AFDN: variants seen among roughly 807,000 people sequenced by gnomAD.
AFDN encodes the protein afadin.
Under a neutral mutation model 216.6 loss-of-function variants are expected in AFDN, and 68 were observed. The observed-to-expected ratio is 0.31, with a 90% CI of 0.26 to 0.38. The LOEUF is 0.38. Ranked by LOEUF, AFDN falls within the 10% of genes least tolerant of loss-of-function variation. AFDN has a pLI of 1.00. For synonymous variants in AFDN, 868 were observed against 853.7 expected, an observed-to-expected ratio of 1.02 and a Z score of -0.29; for missense variants, 2,136 against 2,342.0, an observed-to-expected ratio of 0.91 and a Z score of 1.82.
intron 2 of AFDN, among the ~76,000 whole-genome samples, chr6:167,867,911 T>C (rs2128238648): frequency 6.6e-6 from 1 of 152,350 alleles, no homozygotes; most frequent in African/African-American, 2.4e-5. Context: ...AAACTATTGC[T>C]CATTTAAAAT....
At chr6:167,827,410 C>T (rs1330202362) in intron 1 of AFDN, among the ~76,000 whole-genome samples, 173 bp downstream of exon 1, 1 of 144,880 alleles carries the variant, frequency 6.9e-6, no homozygotes, top group Non-Finnish European at 1.5e-5. Flanking sequence ...CGGCGTCCCC[C>T]GCAGCCCCCG....
At chr6:167,871,428 A>G (rs1260311772) in intron 3 of AFDN, among the ~76,000 whole-genome samples, 2 of 152,192 alleles carry the variant, frequency 1.3e-5, no homozygotes, top group East Asian at 1.9e-4. Context: ...TGGAACTCCT[A>G]AGACCAGTGC....
At position 167,918,919 on chromosome 6, in the gene AFDN, C is replaced by G; in HGVS notation, c.2894C>G (p.Pro965Arg). 6.2e-7 allele frequency: 1 copy of G among 1,613,692 alleles called. No individual in the cohort carries two copies. The highest frequency in any genetic ancestry group is 8.5e-7 in the Non-Finnish European group (1 of 1,179,738). The change falls in exon 21 of 34, where the codon CCT becomes CGT. Residue 965 changes from proline to arginine, a missense_variant. Transcript: ENST00000683244. ...AATGGTTTACAAGAATTTTTAGACC[C>G]TCTGTGCCAGAGAGGTAAATTAGTC... is the stretch of plus-strand genomic sequence containing the variant. Reference protein sequence around the residue: ...IPNGLQEFLDPLCQRGFCRLI... With the variant: ...IPNGLQEFLDRLCQRGFCRLI...
chr6:167,900,121 G>A (rs1788756139), intron 11 of AFDN, among the ~76,000 whole-genome samples: 1 of 152,160 alleles, frequency 6.6e-6, no homozygotes, highest in South Asian at 2.1e-4. Context: ...ACTATTGTTA[G>A]GTATTTTTCT....
At chr6:167,924,966 A>G (rs372556675) in intron 22 of AFDN, 39 bp from the exon 23 acceptor site, 2 of 1,431,650 alleles carry the variant, frequency 1.4e-6, no homozygotes, top group African/African-American at 2.8e-5. Flanking sequence ...AAGCACTTCC[A>G]TTTCAGTCAT....
intron 5 of AFDN, among the ~76,000 whole-genome samples, chr6:167,876,116 C>T (rs978557100): frequency 1.3e-5 from 2 of 152,164 alleles, no homozygotes; most frequent in Non-Finnish European, 2.9e-5. Flanking sequence ...CTGCATCCAT[C>T]GCAGACACTG....
chr6:167,914,594 A>G (rs1194659659), intron 17 of AFDN, 50 bp from the exon 18 acceptor site: 6 of 1,321,276 alleles, frequency 4.5e-6, no homozygotes, highest in African/African-American at 1.5e-5. Flanking sequence ...CATGTCTGAC[A>G]ATAGCTGTCT....
chr6:167,883,311 G>A (rs1198817126), intron 6 of AFDN, among the ~76,000 whole-genome samples: 2 of 152,186 alleles, frequency 1.3e-5, no homozygotes, highest in Admixed American at 1.3e-4. Context: ...AATACTAGTT[G>A]TGACATCTAA....
intron 7 of AFDN, among the ~76,000 whole-genome samples, chr6:167,890,502 T>A (rs1404622729): frequency 6.6e-6 from 1 of 152,204 alleles, no homozygotes; most frequent in Non-Finnish European, 1.5e-5. Context: ...TGTGTATTTG[T>A]GTGTGAATGT....
intron 1 of AFDN, among the ~76,000 whole-genome samples, chr6:167,858,384 G>T (rs575615932): frequency 6.6e-6 from 1 of 152,204 alleles, no homozygotes; most frequent in African/African-American, 2.4e-5. Flanking sequence ...TAACATTTAG[G>T]TGTTTGGGTA....
intron 1 of AFDN, among the ~76,000 whole-genome samples, chr6:167,833,625 T>A (rs17165106): frequency 0.051 from 7,696 of 152,242 alleles, 654 homozygotes; most frequent in African/African-American, 0.18. Flanking sequence ...AGTTCCTGAT[T>A]TTTTTATAGG....
chr6:167,942,985 T>A, intron 23 of AFDN, 144 bp from the exon 24 acceptor site: 1 of 590,250 alleles, frequency 1.7e-6, no homozygotes, highest in Non-Finnish European at 2.9e-6. Flanking sequence ...ATACTTGTAA[T>A]TTTCATGTAA....
chr6:167,868,793 C>T (rs1238069446), intron 2 of AFDN, among the ~76,000 whole-genome samples: 1 of 134,980 alleles, frequency 7.4e-6, no homozygotes, highest in Non-Finnish European at 1.6e-5. Flanking sequence ...GACAGGGTCT[C>T]ACTTTGTCAC....
chr6:167,878,310 A>G (rs1411375411), intron 5 of AFDN, among the ~76,000 whole-genome samples: 2 of 152,078 alleles, frequency 1.3e-5, no homozygotes, highest in East Asian at 3.9e-4. Flanking sequence ...AGTCTACCCA[A>G]TTGTTTGCTC....
At chr6:167,946,684 T>C in intron 26 of AFDN, 23 bp from the exon 27 acceptor site, 1 of 1,602,446 alleles carries the variant, frequency 6.2e-7, no homozygotes, top group East Asian at 2.2e-5. Context: ...TCTTAAGAGA[T>C]ACTGAATATG....
chr6:167,905,738 A>G (rs1789583389), intron 12 of AFDN, among the ~76,000 whole-genome samples: 1 of 151,090 alleles, frequency 6.6e-6, no homozygotes, highest in Admixed American at 6.5e-5. Context: ...CCCTATTACT[A>G]GTCATTTATA....
intron 6 of AFDN, among the ~76,000 whole-genome samples, chr6:167,883,193 A>G (rs1041566731): frequency 3.3e-5 from 5 of 152,016 alleles, no homozygotes; most frequent in African/African-American, 1.2e-4. Context: ...GAAAGTCCAG[A>G]AGATTCCTCT....
chr6:167,960,279 G>A (rs934416817), intron 30 of AFDN, among the ~76,000 whole-genome samples: 14 of 152,276 alleles, frequency 9.2e-5, no homozygotes, highest in African/African-American at 3.4e-4. Flanking sequence ...CTTCCTTTAC[G>A]AATAGTAACT....
intron 1 of AFDN, among the ~76,000 whole-genome samples, chr6:167,835,393 A>G (rs993955018): frequency 4.6e-5 from 7 of 152,256 alleles, no homozygotes. Flanking sequence ...ATGGTGTTCC[A>G]TGAAAGAAGT....
Sources: gnomAD v4.1 joint callset for allele counts (sites outside exome capture counted in the v4.1 genomes callset) on GRCh38, gnomAD v4.1.1 for gene constraint, MANE v1.5 for transcripts, NCBI Gene and HGNC (gene_info 2026-07-23, HGNC 2026-07-21) for gene names.